The following TULP4 variants were observed in gnomAD, a reference collection of about 807,000 sequenced individuals.
The protein encoded by TULP4 is tubby-related protein 4.
Under a neutral mutation model 129.0 loss-of-function variants are expected in TULP4, and 16 were observed. The ratio of observed to expected loss-of-function variants is 0.12; its 90% CI spans 0.08 to 0.19. The LOEUF is 0.19. Among genes scored for constraint, TULP4 ranks in the 10% least tolerant of loss-of-function variants. TULP4 has a pLI of 1.00. For missense variants in TULP4, 1,842 were observed against 2,059.1 expected (o/e 0.89, Z 2.04); for synonymous variants, 998 against 854.0 (o/e 1.17, Z -2.94).
At position 158,239,165 on chromosome 6, in the gene TULP4, C is replaced by T. The variant is rs1254067426; in HGVS notation, n.68+6862C>T. 2.4e-3 allele frequency among the ~76,000 whole-genome samples: 215 copies of T among 89,178 alleles called. 12 individuals are homozygous for T. Among genetic ancestry groups the T allele is most frequent in the Non-Finnish European group, 4.2e-3 (166 of 39,696 alleles). 58.5% of individuals were successfully genotyped at this position (89,178 alleles called of 152,430 possible). A position where few individuals can be genotyped will look rare whatever the true frequency, so the allele number is the denominator to read the frequency against. The stretch of plus-strand genomic sequence containing the variant: ...GGCGCCCCTCACCTCCCGGACGAGG[C>T]GGCTGGCCGGGCGGGGGGCTGACCC... On this transcript the variant is annotated intron_variant and non_coding_transcript_variant, in intron 1 of 1. Transcript: ENST00000620026.
chr6:158,460,691 G>A, intron 5 of TULP4, among the ~76,000 whole-genome samples: 1 of 152,194 alleles, frequency 6.6e-6, no homozygotes, highest in Admixed American at 6.5e-5. Flanking sequence ...CAAATGACAA[G>A]AGTCAGCATT....
chr6:158,295,097 T>C (rs942400515), intron 1 of TULP4, among the ~76,000 whole-genome samples: 1 of 152,238 alleles, frequency 6.6e-6, no homozygotes, highest in Non-Finnish European at 1.5e-5. Flanking sequence ...TTGAAAATTT[T>C]CTACTGTATA....
At chr6:158,403,540 A>G (rs1237517559) in intron 1 of TULP4, among the ~76,000 whole-genome samples, 2 of 152,028 alleles carry the variant, frequency 1.3e-5, no homozygotes, top group Admixed American at 6.5e-5. Context: ...GGGTTTCTCC[A>G]TGTTGGTCAG....
At chr6:158,421,752 G>A (rs893353793) in intron 2 of TULP4, among the ~76,000 whole-genome samples, 1 of 152,162 alleles carries the variant, frequency 6.6e-6, no homozygotes, top group African/African-American at 2.4e-5. Flanking sequence ...AAAGAAGCAC[G>A]TTTTGGGGTA....
chr6:158,422,596 A>G (rs554212510), intron 2 of TULP4, among the ~76,000 whole-genome samples: 1 of 152,286 alleles, frequency 6.6e-6, no homozygotes, highest in East Asian at 1.9e-4. Flanking sequence ...GACAAGAAGG[A>G]AGCGGAAGGC....
chr6:158,366,781 C>G (rs1583802664), intron 1 of TULP4, among the ~76,000 whole-genome samples: 1 of 152,214 alleles, frequency 6.6e-6, no homozygotes, highest in East Asian at 1.9e-4. Flanking sequence ...CCTGAACTCA[C>G]AAGGCATTTT....
chr6:158,499,056 G>A (rs895988067), intron 12 of TULP4, among the ~76,000 whole-genome samples: 1 of 152,206 alleles, frequency 6.6e-6, no homozygotes, highest in Non-Finnish European at 1.5e-5. Flanking sequence ...GGCGCCTTGT[G>A]TTTTCGGAGC....
intron 6 of TULP4, among the ~76,000 whole-genome samples, chr6:158,468,311 GT>G (rs1779598992): frequency 6.6e-6 from 1 of 152,134 alleles, no homozygotes; most frequent in Admixed American, 6.5e-5. Flanking sequence ...ATTTTAATTT[GT>G]TTAACTAAAG....
At chr6:158,386,040 T>A (rs1285380329) in intron 1 of TULP4, among the ~76,000 whole-genome samples, 1 of 151,900 alleles carries the variant, frequency 6.6e-6, no homozygotes, top group East Asian at 1.9e-4. Flanking sequence ...AGACAGGGTC[T>A]CACTTTGTTG....
chr6:158,259,557 C>G (rs1296052886), intron 1 of TULP4, among the ~76,000 whole-genome samples: 1 of 152,212 alleles, frequency 6.6e-6, no homozygotes, highest in Admixed American at 6.5e-5. Context: ...CCACTATTAA[C>G]TAAATATCCG....
intron 1 of TULP4, among the ~76,000 whole-genome samples, chr6:158,372,215 C>CA (rs1303768924): frequency 1.3e-4 from 6 of 45,860 alleles, no homozygotes; most frequent in Admixed American, 5.9e-4. Flanking sequence ...TCAAAAAAAA[C>CA]AAAAACAGTA....
intron 1 of TULP4, among the ~76,000 whole-genome samples, chr6:158,248,436 A>AT (rs1216994240): frequency 7.6e-6 from 1 of 131,396 alleles, no homozygotes; most frequent in Non-Finnish European, 1.7e-5. Flanking sequence ...CGCCCGGCTA[A>AT]TTTTTTTGTA....
At position 158,502,903 on chromosome 6, in the gene TULP4, C is replaced by T. The variant is rs1780495897; in HGVS notation, c.3240C>T (p.Arg1080=). 1 of 1,613,946 alleles carries T rather than the reference C, an allele frequency of 6.2e-7. No homozygotes were observed. The highest frequency in any genetic ancestry group is 1.7e-5 in the Admixed American group (1 of 60,016). ...LLSPPDSARD[R]TDYVNSAFTE... ...GCCCACCCGACAGCGCCCGCGACCGCACCGACTACGTCAACTCGGCCTTCA... is the reference window on the plus strand; with the variant it reads ...GCCCACCCGACAGCGCCCGCGACCGTACCGACTACGTCAACTCGGCCTTCA... Residue 1080 remains arginine, a synonymous_variant, in exon 13 of 14, where the codon CGC becomes CGT. Transcript: ENST00000367097.
chr6:158,440,566 T>C (rs1778869086), intron 3 of TULP4, among the ~76,000 whole-genome samples: 1 of 152,172 alleles, frequency 6.6e-6, no homozygotes. Context: ...TTTTTAGTAG[T>C]GTGAATACCA....
chr6:158,359,194 G>A (rs965623721), intron 1 of TULP4, among the ~76,000 whole-genome samples: 3 of 151,944 alleles, frequency 2.0e-5, no homozygotes, highest in South Asian at 2.1e-4. Flanking sequence ...TGTCCACTTC[G>A]TTTACAGTGG....
intron 1 of TULP4, among the ~76,000 whole-genome samples, chr6:158,388,254 C>T (rs1777494531): frequency 6.9e-6 from 1 of 145,004 alleles, no homozygotes; most frequent in East Asian, 2.1e-4. Context: ...AATTTTGTTT[C>T]TATAGAAGAT....
Position 158,503,488 on chromosome 6 carries a change from C to A in TULP4, c.3825C>A (p.Pro1275=). The A allele has an allele frequency of 6.2e-7, 1 of 1,613,956 alleles. No individual in the cohort carries two copies. The highest frequency in any genetic ancestry group is 8.5e-7 in the Non-Finnish European group (1 of 1,180,008). The change falls in exon 13 of 14, where the codon CCC becomes CCA. Residue 1275 remains proline (P), a synonymous_variant. Transcript: ENST00000367097. The surrounding 1 kb of genome is among the most constrained non-coding windows in gnomAD (Gnocchi z 4.3). ...GCGCCTGCCCGCCCATGCAGAACCC[C>A]CAGGGCACTCTCCCCCCAAAGCCAC... The part of the protein sequence containing the change: ...SYSACPPMQN[P]QGTLPPKPHL...
chr6:158,358,136 T>C (rs577147034), intron 1 of TULP4, among the ~76,000 whole-genome samples: 2 of 152,318 alleles, frequency 1.3e-5, no homozygotes, highest in South Asian at 2.1e-4. Context: ...TTCAGGACTT[T>C]TCATGCTTCT....
rs756467792 is a variant in TULP4 at position 158,493,686 on chromosome 6, G to A, written c.1745G>A (p.Arg582Gln). The A allele has an allele frequency of 8.2e-6, 13 of 1,591,812 alleles. No individual in the cohort carries two copies. The highest frequency in any genetic ancestry group is 2.3e-5 in the South Asian group (2 of 88,034). Residue 582 changes from arginine (R) to glutamine (Q), a missense_variant, in exon 10 of 14, where the codon CGG becomes CAG. Physicochemically the swap from Arg to Gln is conservative, Grantham distance 43. Coordinates refer to ENST00000367097, the MANE Select transcript of TULP4 (RefSeq NM_020245.5). This position sits in a 1 kb window ranked among gnomAD's most constrained non-coding sequence, Gnocchi z 4.4. Reference sequence around the variant, plus strand: ...TCTGTGGGCTCGCCCAGCCTGACTCGGAGAGAGTTTCCTTTTGAAGACATC... The same window carrying A: ...TCTGTGGGCTCGCCCAGCCTGACTCAGAGAGAGTTTCCTTTTGAAGACATC... ...KPSVGSPSLT[R>Q]REFPFEDITQ...
Sources: gnomAD v4.1 joint callset for allele counts (sites outside exome capture counted in the v4.1 genomes callset) on GRCh38, gnomAD v4.1.1 for gene constraint, Gnocchi (gnomAD v3.1) non-coding constraint, MANE v1.5 for transcripts, NCBI Gene and HGNC (gene_info 2026-07-23, HGNC 2026-07-21) for gene names.